The following FGF14 variants were observed in gnomAD, a reference collection of about 807,000 sequenced individuals.
The protein encoded by FGF14 is fibroblast growth factor 14, also known as fibroblast growth factor homologous factor 4.
A neutral mutation model predicts 25.5 loss-of-function variants in FGF14; 5 were observed. The ratio of observed to expected loss-of-function variants is 0.20; its 90% CI spans 0.10 to 0.41. FGF14 has a LOEUF of 0.41. FGF14 is among the 10% of genes least tolerant of loss of function. The probability of loss-of-function intolerance (pLI) is 1.00; values close to 1 mark genes in which losing one functional copy is unlikely to be tolerated. For missense variants in FGF14, 222 were observed against 320.1 expected (o/e 0.69, Z 2.34); for synonymous variants, 138 against 118.3 (o/e 1.17, Z -1.08).
chr13:102,400,512 C>T lies in FGF14; in HGVS notation c.208+959G>A, dbSNP rs1210051076. Among the ~76,000 whole-genome samples the T allele has an allele frequency of 2.0e-5, 3 of 152,224 alleles. No individual in the cohort carries two copies. In the East Asian group the frequency reaches 5.8e-4, roughly 29 times the overall value. ...CACCATGCAGCCCTCCAGCCTGCCT[C>T]CCCTGGGTTGCTCGCCCACAGCTCC... On this transcript the variant is annotated intron_variant, in intron 1 of 4. Transcript: ENST00000376131. The surrounding 1 kb of genome is among the most constrained non-coding windows in gnomAD (Gnocchi z 4.3).
intron 1 of FGF14, among the ~76,000 whole-genome samples, chr13:102,061,236 G>A (rs1296427800): frequency 6.6e-6 from 1 of 152,234 alleles, no homozygotes; most frequent in Non-Finnish European, 1.5e-5. Context: ...AAGGCAGAAG[G>A]TCTAACTGAG....
chr13:102,176,533 A>G lies in FGF14; in HGVS notation c.208+224938T>C, dbSNP rs558980346. ...AACCTCACCATTACACAATACATCC[A>G]TGCAATAAACCTACACATATACCCA... On this transcript the variant is annotated intron_variant, in intron 1 of 4. Transcript: ENST00000376131. 3.3e-5 allele frequency among the ~76,000 whole-genome samples: 5 copies of G among 152,280 alleles called. No homozygotes were observed. In the East Asian group the frequency reaches 9.7e-4, roughly 29 times the overall value.
chr13:101,840,420 GTTATT>G (rs2043141237), intron 3 of FGF14, among the ~76,000 whole-genome samples: 1 of 151,444 alleles, frequency 6.6e-6, no homozygotes, highest in Admixed American at 6.6e-5. Context: ...TTTAGTGTCT[GTTATT>G]TTATTTCCCT....
rs190384353 is a variant in FGF14, at chr13:101,990,040, T to G, written c.209-114744A>C. On this transcript the variant is annotated intron_variant, in intron 1 of 4. Transcript: ENST00000376131. Reference sequence around the variant, plus strand: ...TGTCAACTTTTTGTTTGGAAATAACTTTCCAAAATCATATGAGCTGTGGTG... The same window carrying G: ...TGTCAACTTTTTGTTTGGAAATAACGTTCCAAAATCATATGAGCTGTGGTG... Among the ~76,000 whole-genome samples the G allele has an allele frequency of 4.7e-3, 718 of 152,280 alleles. 3 individuals are homozygous for G. The highest frequency in any genetic ancestry group is 0.024 in the Middle Eastern group (7 of 294).
intron 3 of FGF14, among the ~76,000 whole-genome samples, chr13:101,814,437 A>C (rs1294048006): frequency 1.3e-5 from 2 of 152,274 alleles, no homozygotes. Context: ...TTCTAATTTT[A>C]CGCCATAAAA....
chr13:102,206,768 C>T (rs1044428651), intron 1 of FGF14, among the ~76,000 whole-genome samples: 3 of 152,224 alleles, frequency 2.0e-5, no homozygotes, highest in East Asian at 1.9e-4. Flanking sequence ...GAAAATATCA[C>T]GTGAATCAAT....
upstream of FGF14, among the ~76,000 whole-genome samples, chr13:101,921,254 G>A (rs960708598): frequency 5.9e-5 from 9 of 152,064 alleles, no homozygotes; most frequent in African/African-American, 2.2e-4. Context: ...TGAATCTAGG[G>A]CACCTTCTAA....
chr13:102,312,636 G>A (rs2055829049), intron 1 of FGF14, among the ~76,000 whole-genome samples: 1 of 152,110 alleles, frequency 6.6e-6, no homozygotes, highest in Non-Finnish European at 1.5e-5. Flanking sequence ...CTACCCCCCT[G>A]GATGGCTTAA....
intron 3 of FGF14, among the ~76,000 whole-genome samples, chr13:101,747,275 G>T (rs1274863715): frequency 2.6e-5 from 4 of 151,998 alleles, no homozygotes; most frequent in South Asian, 2.1e-4. Flanking sequence ...GATTCATCCA[G>T]CAAACAAGTA....
chr13:102,277,522 C>T (rs1422935821), intron 1 of FGF14, among the ~76,000 whole-genome samples: 4 of 152,214 alleles, frequency 2.6e-5, no homozygotes, highest in Admixed American at 2.0e-4. Context: ...AGACACTATT[C>T]CCTTTCCCAG....
chr13:101,758,280 T>G (rs2037787166), intron 3 of FGF14, among the ~76,000 whole-genome samples: 1 of 152,180 alleles, frequency 6.6e-6, no homozygotes, highest in Non-Finnish European at 1.5e-5. Flanking sequence ...AGAGCAGCAG[T>G]TCTAACTTTA....
intron 3 of FGF14, among the ~76,000 whole-genome samples, chr13:101,788,564 C>A (rs749671720): frequency 6.6e-6 from 1 of 151,884 alleles, no homozygotes; most frequent in Non-Finnish European, 1.5e-5. Context: ...GAGACAAATT[C>A]GATTCCTTTA....
chr13:101,930,244 A>G (rs1384859121), intron 1 of FGF14, among the ~76,000 whole-genome samples: 1 of 152,338 alleles, frequency 6.6e-6, no homozygotes, highest in East Asian at 1.9e-4. Context: ...TCCTTGAAAA[A>G]TCAAGGTTGC....
rs556016056 is a variant in FGF14, at chr13:101,874,544, G to A, written c.304+642C>T. Among the ~76,000 whole-genome samples, 7 of 152,144 alleles carry A rather than the reference G, an allele frequency of 4.6e-5. No homozygotes were observed. The South Asian group carries it at 8.3e-4, about 18-fold the overall frequency. On this transcript the variant is annotated intron_variant, in intron 2 of 4. Coordinates refer to ENST00000376143, the MANE Select transcript of FGF14 (RefSeq NM_004115.4). Reference sequence around the variant, plus strand: ...AGTTGAGTAAGGAGAGGCACCAGACGGAGAAATGTTATACATAAAGAAATA... The same window carrying A: ...AGTTGAGTAAGGAGAGGCACCAGACAGAGAAATGTTATACATAAAGAAATA...
chr13:102,024,938 G>GGT (rs1343418183), intron 1 of FGF14, among the ~76,000 whole-genome samples: 2 of 144,904 alleles, frequency 1.4e-5, no homozygotes, highest in Admixed American at 6.8e-5. Flanking sequence ...CAGTTTTACT[G>GGT]GTGTATATAT....
intron 1 of FGF14, among the ~76,000 whole-genome samples, chr13:102,117,803 T>C (rs940898349): frequency 2.6e-5 from 4 of 152,188 alleles, no homozygotes; most frequent in Admixed American, 6.5e-5. Context: ...GAAAAATATG[T>C]GTAAGTTTAC....
intron 1 of FGF14, among the ~76,000 whole-genome samples, chr13:102,083,955 T>G (rs2140209844): frequency 6.6e-6 from 1 of 152,344 alleles, no homozygotes; most frequent in East Asian, 1.9e-4. Flanking sequence ...CTCTATATCC[T>G]TGAAGGCCCT....
At chr13:102,375,786 T>C (rs373076069) in intron 1 of FGF14, among the ~76,000 whole-genome samples, 1 of 152,212 alleles carries the variant, frequency 6.6e-6, no homozygotes, top group African/African-American at 2.4e-5. Context: ...GCCTTGTTTG[T>C]TTTTCCAATC....
At chr13:102,050,399 C>T (rs1380604207) in intron 1 of FGF14, among the ~76,000 whole-genome samples, 6 of 152,100 alleles carry the variant, frequency 3.9e-5, no homozygotes, top group African/African-American at 1.4e-4. Flanking sequence ...ATCACCATAA[C>T]CACGAACTTT....
Sources: gnomAD v4.1 joint callset for allele counts (sites outside exome capture counted in the v4.1 genomes callset) on GRCh38, gnomAD v4.1.1 for gene constraint, Gnocchi (gnomAD v3.1) non-coding constraint, MANE v1.5 for transcripts, NCBI Gene and HGNC (gene_info 2026-07-23, HGNC 2026-07-21) for gene names.